DGKB: variants seen among roughly 807,000 people sequenced by gnomAD.
DGKB encodes 90 kDa diacylglycerol kinase.
A neutral mutation model predicts 114.3 loss-of-function variants in DGKB; 67 were observed. The ratio of observed to expected loss-of-function variants is 0.59; its 90% CI spans 0.48 to 0.72. The LOEUF (loss-of-function observed/expected upper bound fraction) is 0.72, where lower values mean the gene tolerates loss of function less well. DGKB is among the 30% of genes least tolerant of loss of function. DGKB has a pLI of 0.00. For missense variants in DGKB, 907 were observed against 975.2 expected (o/e 0.93, Z 0.93); for synonymous variants, 398 against 323.1 (o/e 1.23, Z -2.49).
At chr7:14,511,581 T>G (rs1466036713) in intron 20 of DGKB, among the ~76,000 whole-genome samples, 1 of 152,196 alleles carries the variant, frequency 6.6e-6, no homozygotes, top group Non-Finnish European at 1.5e-5. Flanking sequence ...CACTTTCACT[T>G]CATAGTTCAT....
chr7:14,543,223 C>T (rs1224857092), intron 20 of DGKB, among the ~76,000 whole-genome samples: 1 of 151,938 alleles, frequency 6.6e-6, no homozygotes, highest in Non-Finnish European at 1.5e-5. Context: ...GTGGGAGGAT[C>T]GCTTGAGGCC....
At chr7:14,838,850 A>G (rs913814090) in intron 2 of DGKB, among the ~76,000 whole-genome samples, 1 of 152,178 alleles carries the variant, frequency 6.6e-6, no homozygotes, top group Non-Finnish European at 1.5e-5. Flanking sequence ...TTGCATTCTT[A>G]CAGACTTCAC....
At chr7:14,290,619 C>T (rs184618251) in intron 23 of DGKB, among the ~76,000 whole-genome samples, 29 of 152,262 alleles carry the variant, frequency 1.9e-4, no homozygotes, top group African/African-American at 6.3e-4. Flanking sequence ...ATACCAACCA[C>T]ATGTTAGCTC....
At chr7:14,526,057 T>G (rs540332061) in intron 20 of DGKB, among the ~76,000 whole-genome samples, 31 of 152,288 alleles carry the variant, frequency 2.0e-4, no homozygotes, top group African/African-American at 6.5e-4. Flanking sequence ...CAATCACATG[T>G]AAATATTTTC....
At chr7:14,367,066 T>TG (rs1249219571) in intron 21 of DGKB, among the ~76,000 whole-genome samples, 3 of 152,242 alleles carry the variant, frequency 2.0e-5, no homozygotes, top group Non-Finnish European at 4.4e-5. Flanking sequence ...GCTAGAGACA[T>TG]GCGGTGCAAT....
intron 21 of DGKB, among the ~76,000 whole-genome samples, chr7:14,391,743 T>A (rs1460781638): frequency 6.6e-6 from 1 of 152,132 alleles, no homozygotes; most frequent in African/African-American, 2.4e-5. Flanking sequence ...CTCCGTCTTT[T>A]AGATATATTG....
rs78934523 is a variant in DGKB at position 14,774,573 on chromosome 7, T to G, written c.71-16842A>C. On this transcript the variant is annotated intron_variant, in intron 2 of 25. Coordinates refer to ENST00000402815, the MANE Select transcript of DGKB (RefSeq NM_001350709.2). Reference sequence around the variant, plus strand: ...ATTGATGACTTAAACCACTGGTGCTTTGAAAATGTTATTTAAAACTTGGAT... The same window carrying G: ...ATTGATGACTTAAACCACTGGTGCTGTGAAAATGTTATTTAAAACTTGGAT... Among the ~76,000 whole-genome samples the G allele has an allele frequency of 2.9e-3, 436 of 152,308 alleles. 2 individuals are homozygous for G. Among genetic ancestry groups the G allele is most frequent in the African/African-American group, 0.01 (420 of 41,568 alleles).
chr7:14,241,323 G>A (rs1793610021), intron 23 of DGKB, among the ~76,000 whole-genome samples: 1 of 151,962 alleles, frequency 6.6e-6, no homozygotes, highest in Admixed American at 6.6e-5. Context: ...TTTCTTTCAT[G>A]GCTATCTGTA....
At chr7:14,925,291 G>C (rs1290276052) in intron 1 of DGKB, among the ~76,000 whole-genome samples, 1 of 152,150 alleles carries the variant, frequency 6.6e-6, no homozygotes, top group African/African-American at 2.4e-5. Flanking sequence ...TAATGCTGAG[G>C]AGTAAAACCA....
intron 17 of DGKB, among the ~76,000 whole-genome samples, chr7:14,589,260 C>T (rs1241677321): frequency 6.6e-6 from 1 of 151,778 alleles, no homozygotes; most frequent in Non-Finnish European, 1.5e-5. Context: ...CATATTATCA[C>T]TGTTTTTCTA....
intron 23 of DGKB, among the ~76,000 whole-genome samples, chr7:14,187,257 A>C (rs912448476): frequency 3.9e-5 from 6 of 152,116 alleles, no homozygotes; most frequent in Admixed American, 1.3e-4. Flanking sequence ...GCCCTGCTGT[A>C]CTCACATGCA....
At chr7:14,185,373 G>T (rs1353222582) in intron 23 of DGKB, among the ~76,000 whole-genome samples, 1 of 151,990 alleles carries the variant, frequency 6.6e-6, no homozygotes, top group Non-Finnish European at 1.5e-5. Flanking sequence ...TAGATGACAT[G>T]AACAAATGGA....
intron 4 of DGKB, among the ~76,000 whole-genome samples, chr7:14,738,327 T>C (rs1048189760): frequency 6.6e-6 from 1 of 152,228 alleles, no homozygotes; most frequent in Admixed American, 6.5e-5. Flanking sequence ...ATGGTAGCGC[T>C]TCCTTCTGTT....
intron 2 of DGKB, among the ~76,000 whole-genome samples, chr7:14,787,529 A>G (rs1313344319): frequency 6.6e-6 from 1 of 152,222 alleles, no homozygotes; most frequent in Non-Finnish European, 1.5e-5. Context: ...CACCACTGAC[A>G]GAGGCCAAGA....
chr7:14,615,708 T>A (rs761828901), intron 15 of DGKB, among the ~76,000 whole-genome samples: 6 of 151,812 alleles, frequency 4.0e-5, no homozygotes, highest in Non-Finnish European at 7.4e-5. Context: ...TTATTTTACA[T>A]AATACTTCTC....
At chr7:14,891,010 C>T (rs565775724) in intron 1 of DGKB, among the ~76,000 whole-genome samples, 17 of 151,240 alleles carry the variant, frequency 1.1e-4, no homozygotes, top group Admixed American at 7.9e-4. Context: ...ATCTCCAGAA[C>T]AAGAAAATAT....
intron 1 of DGKB, among the ~76,000 whole-genome samples, chr7:14,870,563 C>T (rs565663009): frequency 1.1e-4 from 16 of 151,858 alleles, no homozygotes; most frequent in Non-Finnish European, 1.9e-4. Flanking sequence ...TTTAGGAGGC[C>T]GAGGAGGGCA....
chr7:14,876,848 T>A (rs924657518), intron 1 of DGKB, among the ~76,000 whole-genome samples: 7 of 152,198 alleles, frequency 4.6e-5, no homozygotes, highest in Non-Finnish European at 8.8e-5. Flanking sequence ...AATATTTGTA[T>A]TCAGTTGAAT....
At chr7:14,437,495 C>T (rs1829450755) in intron 21 of DGKB, among the ~76,000 whole-genome samples, 2 of 151,918 alleles carry the variant, frequency 1.3e-5, no homozygotes, top group Non-Finnish European at 2.9e-5. Flanking sequence ...TAAAAGTATG[C>T]TAAATATATT....
Sources: gnomAD v4.1 joint callset for allele counts (sites outside exome capture counted in the v4.1 genomes callset) on GRCh38, gnomAD v4.1.1 for gene constraint, MANE v1.5 for transcripts, NCBI Gene and HGNC (gene_info 2026-07-23, HGNC 2026-07-21) for gene names.